The following ZNF385D variants were observed in gnomAD, a reference collection of about 807,000 sequenced individuals.
The protein encoded by ZNF385D is zinc finger protein 659.
In ZNF385D, 15 loss-of-function variants were observed where a neutral mutation model predicts 35.8. The observed-to-expected ratio is 0.42, with a 90% confidence interval of 0.28 to 0.64. The LOEUF (loss-of-function observed/expected upper bound fraction) is 0.64. ZNF385D is among the 30% of genes least tolerant of loss of function. The pLI is 0.23. For missense variants in ZNF385D, 474 were observed against 494.6 expected, an observed-to-expected ratio of 0.96 and a Z score of 0.39; for synonymous variants, 212 against 186.8, an observed-to-expected ratio of 1.13 and a Z score of -1.10.
intron 3 of ZNF385D, among the ~76,000 whole-genome samples, chr3:22,079,957 G>T (rs971481910): frequency 6.6e-6 from 1 of 151,846 alleles, no homozygotes; most frequent in Non-Finnish European, 1.5e-5. Flanking sequence ...TAGATAGATA[G>T]GTATTCTAAA....
chr3:21,459,050 A>G (rs1398138038), intron 4 of ZNF385D, among the ~76,000 whole-genome samples: 1 of 152,288 alleles, frequency 6.6e-6, no homozygotes, highest in Non-Finnish European at 1.5e-5. Flanking sequence ...AGGGAGCACA[A>G]CTATCACCTG....
intron 3 of ZNF385D, among the ~76,000 whole-genome samples, chr3:21,996,022 G>C (rs887501257): frequency 6.6e-6 from 1 of 152,054 alleles, no homozygotes; most frequent in African/African-American, 2.4e-5. Flanking sequence ...TGGACACAGG[G>C]GAATGTCAGC....
chr3:22,037,071 A>C (rs924979546), intron 3 of ZNF385D, among the ~76,000 whole-genome samples: 4 of 152,146 alleles, frequency 2.6e-5, no homozygotes, highest in East Asian at 1.9e-4. Flanking sequence ...ATAGTATTTT[A>C]TGGTGTATAT....
At chr3:22,295,428 A>G (rs1005863269) in intron 2 of ZNF385D, among the ~76,000 whole-genome samples, 4 of 151,850 alleles carry the variant, frequency 2.6e-5, no homozygotes, top group East Asian at 3.9e-4. Context: ...CCAGCCTCCT[A>G]TAAGAGAATT....
chr3:21,863,300 T>C (rs1031676084), intron 3 of ZNF385D, among the ~76,000 whole-genome samples: 2 of 152,184 alleles, frequency 1.3e-5, no homozygotes, highest in Admixed American at 6.5e-5. Flanking sequence ...ATATCCAAAA[T>C]TGTTGACATT....
At chr3:21,692,945 G>C (rs541062636) in intron 1 of ZNF385D, among the ~76,000 whole-genome samples, 33 of 152,266 alleles carry the variant, frequency 2.2e-4, no homozygotes, top group Admixed American at 6.5e-4. Context: ...ACTCCTTGAA[G>C]GTAATCACTA....
chr3:21,511,049 T>C (rs1351983636), intron 3 of ZNF385D, 26 bp from the exon 4 acceptor site: 2 of 1,613,174 alleles, frequency 1.2e-6, no homozygotes, highest in South Asian at 1.1e-5. Context: ...AAATGAACCA[T>C]GCAATCAGGC....
At chr3:21,568,219 A>G (rs1254895842) in intron 2 of ZNF385D, among the ~76,000 whole-genome samples, 1 of 152,082 alleles carries the variant, frequency 6.6e-6, no homozygotes, top group African/African-American at 2.4e-5. Flanking sequence ...ATCTACAACC[A>G]TTTACAATGA....
chr3:21,974,592 G>T (rs1407279067), intron 3 of ZNF385D, among the ~76,000 whole-genome samples: 1 of 152,000 alleles, frequency 6.6e-6, no homozygotes, highest in East Asian at 1.9e-4. Flanking sequence ...CAAGTAAACA[G>T]CTCCTGCACA....
chr3:21,944,466 G>A (rs552576779), intron 3 of ZNF385D, among the ~76,000 whole-genome samples: 1 of 152,200 alleles, frequency 6.6e-6, no homozygotes, highest in African/African-American at 2.4e-5. Context: ...CCAGTGACTG[G>A]AGCCTGGCTT....
rs191513816 is a variant in ZNF385D, at chr3:22,000,066, G to A, written c.325+168751C>T. 2.4e-3 allele frequency among the ~76,000 whole-genome samples: 359 copies of A among 152,246 alleles called. 4 individuals carry two copies. Among genetic ancestry groups the A allele is most frequent in the African/African-American group, 8.2e-3 (342 of 41,534 alleles). On this transcript the variant is annotated intron_variant, in intron 3 of 5. Coordinates refer to the ZNF385D transcript ENST00000494108. Reference sequence around the variant, plus strand: ...CACGCCTGTAATTCCAGCACTTTGGGAGGCCGAGGCGGGCAGATCATGAGC... The same window carrying A: ...CACGCCTGTAATTCCAGCACTTTGGAAGGCCGAGGCGGGCAGATCATGAGC...
chr3:22,347,807 C>A (rs1695726234), intron 2 of ZNF385D, among the ~76,000 whole-genome samples: 1 of 151,516 alleles, frequency 6.6e-6, no homozygotes, highest in Non-Finnish European at 1.5e-5. Context: ...ATAGTCTCTC[C>A]AAAAAAAACC....
At chr3:22,244,650 T>C (rs1168331265) in intron 2 of ZNF385D, among the ~76,000 whole-genome samples, 1 of 150,972 alleles carries the variant, frequency 6.6e-6, no homozygotes, top group Non-Finnish European at 1.5e-5. Flanking sequence ...AAAAGTGTGT[T>C]TAATATCCCT....
intron 3 of ZNF385D, among the ~76,000 whole-genome samples, chr3:21,827,100 G>A (rs1456746206): frequency 6.6e-6 from 1 of 152,146 alleles, no homozygotes; most frequent in Non-Finnish European, 1.5e-5. Context: ...CATAGTTTCA[G>A]TGAAGATGAA....
intron 2 of ZNF385D, among the ~76,000 whole-genome samples, chr3:22,279,464 T>A (rs1374512119): frequency 6.7e-6 from 1 of 149,384 alleles, no homozygotes; most frequent in African/African-American, 2.5e-5. Context: ...CTGAATAGTA[T>A]TCCACAGTAT....
intron 3 of ZNF385D, among the ~76,000 whole-genome samples, chr3:22,163,119 CAG>C (rs1382815820): frequency 2.0e-5 from 3 of 152,140 alleles, no homozygotes; most frequent in Non-Finnish European, 4.4e-5. Context: ...CCATTGGACA[CAG>C]GCTGCTATAA....
intron 2 of ZNF385D, among the ~76,000 whole-genome samples, chr3:22,181,925 G>C (rs1695306794): frequency 6.6e-6 from 1 of 152,118 alleles, no homozygotes; most frequent in Non-Finnish European, 1.5e-5. Flanking sequence ...AAGGATCTTA[G>C]GGTAGTCTCT....
intron 3 of ZNF385D, among the ~76,000 whole-genome samples, chr3:22,081,913 A>C (rs1700770125): frequency 6.6e-6 from 1 of 151,778 alleles, no homozygotes; most frequent in Non-Finnish European, 1.5e-5. Flanking sequence ...CAGTGATCTT[A>C]TCACCTCTTA....
At chr3:21,875,886 A>T (rs1697938499) in intron 3 of ZNF385D, among the ~76,000 whole-genome samples, 2 of 152,122 alleles carry the variant, frequency 1.3e-5, no homozygotes, top group Non-Finnish European at 2.9e-5. Context: ...CTACATCCAT[A>T]GAATAAGATA....
Sources: allele counts gnomAD v4.1 joint callset (sites outside exome capture counted in the v4.1 genomes callset), GRCh38; gene constraint gnomAD v4.1.1; transcripts MANE v1.5; gene names NCBI Gene and HGNC (gene_info 2026-07-23, HGNC 2026-07-21).